CLGN: variants seen among roughly 807,000 people sequenced by gnomAD.
CLGN encodes the protein calmegin.
Under a neutral mutation model 79.1 loss-of-function variants are expected in CLGN, and 62 were observed. The observed-to-expected ratio is 0.78, with a 90% CI of 0.64 to 0.97. The LOEUF (loss-of-function observed/expected upper bound fraction) is 0.97, where lower values mean the gene tolerates loss of function less well. Among genes scored for constraint, CLGN ranks in the 50% least tolerant of loss-of-function variants. CLGN has a pLI of 0.00. For missense variants in CLGN, 647 were observed against 715.5 expected (o/e 0.90, Z 1.09); for synonymous variants, 225 against 224.7 (o/e 1.00, Z -0.01).
intron 3 of CLGN, 128 bp from the exon 4 acceptor site, chr4:140,410,023 T>C (rs1729181544): frequency 1.7e-6 from 1 of 575,360 alleles, no homozygotes; most frequent in Non-Finnish European, 3.0e-6. Context: ...AATAAATTCA[T>C]ACTTAGATGC....
At chr4:140,392,920 A>T (rs536459424) in intron 11 of CLGN, among the ~76,000 whole-genome samples, 8 of 152,206 alleles carry the variant, frequency 5.3e-5, no homozygotes, top group Admixed American at 3.3e-4. Context: ...TGATAGCAGA[A>T]GGTATGTTAT....
At chr4:140,406,680 A>G (rs535577813) in intron 4 of CLGN, among the ~76,000 whole-genome samples, 1 of 152,240 alleles carries the variant, frequency 6.6e-6, no homozygotes, top group South Asian at 2.1e-4. Flanking sequence ...CTAAGCTACA[A>G]CAAGGCAAAA....
At chr4:140,399,806 A>G (rs1365761757) in intron 7 of CLGN, among the ~76,000 whole-genome samples, 1 of 152,148 alleles carries the variant, frequency 6.6e-6, no homozygotes, top group Non-Finnish European at 1.5e-5. Context: ...GCAAATTCCT[A>G]TTTACTTAAG....
chr4:140,389,368 A>G lies in CLGN; in HGVS notation c.1753-64T>C, dbSNP rs1728732779. On this transcript the variant is annotated intron_variant, in intron 14 of 14. Transcript: ENST00000325617. ...ACACATAACTAGTAGATAGTAGTAA[A>G]CAATATATTTATTATTCTCTAAAAT... 3.5e-6 allele frequency: 4 copies of G among 1,131,476 alleles called. No homozygotes were observed. In the Admixed American group the frequency reaches 5.3e-5, roughly 15 times the overall value. 70.1% of individuals were successfully genotyped at this position (1,131,476 alleles called of 1,614,324 possible). A position where few individuals can be genotyped will look rare whatever the true frequency, so the allele number is the denominator to read the frequency against.
intron 5 of CLGN, among the ~76,000 whole-genome samples, chr4:140,404,405 G>A (rs1034524807): frequency 1.3e-5 from 2 of 151,952 alleles, no homozygotes; most frequent in Non-Finnish European, 1.5e-5. Context: ...TACTTCCTAC[G>A]TTTTGAGTTA....
chr4:140,398,685 G>T (rs545038893), intron 8 of CLGN, among the ~76,000 whole-genome samples, 166 bp downstream of exon 8: 4 of 152,050 alleles, frequency 2.6e-5, no homozygotes, highest in African/African-American at 9.6e-5. Context: ...AAATTACAGG[G>T]AGGGAAGTGT....
intron 5 of CLGN, among the ~76,000 whole-genome samples, 163 bp from the exon 6 acceptor site, chr4:140,402,229 C>A (rs151111753): frequency 6.6e-6 from 1 of 151,702 alleles, no homozygotes; most frequent in Middle Eastern, 3.2e-3. Context: ...TAAGCAGAAA[C>A]GCTTTTCTAC....
chr4:140,424,865 A>G (rs1226915572), intron 1 of CLGN, among the ~76,000 whole-genome samples: 1 of 152,226 alleles, frequency 6.6e-6, no homozygotes, highest in Admixed American at 6.5e-5. Context: ...TTGAAGCACA[A>G]GTAACTTTAT....
At chr4:140,408,533 C>G (rs534273539) in intron 4 of CLGN, among the ~76,000 whole-genome samples, 1 of 152,012 alleles carries the variant, frequency 6.6e-6, no homozygotes, top group Admixed American at 6.6e-5. Context: ...AGACATTTCT[C>G]AAAAGAAGAT....
chr4:140,413,574 C>G (rs147660543), intron 1 of CLGN, among the ~76,000 whole-genome samples: 3,186 of 152,272 alleles, frequency 0.021, 48 homozygotes, highest in Middle Eastern at 0.068. Context: ...GTTCCCTTTC[C>G]GAGTCAAAGA....
In CLGN at chr4:140,413,042, G is replaced by T. The variant is rs760573138; in HGVS notation, c.37C>A (p.Leu13Met). The change falls in exon 2 of 15, where the codon CTG becomes ATG. Residue 13 changes from leucine (L) to methionine (M), a missense_variant. Physicochemically the swap from Leu to Met is conservative, Grantham distance 15 (BLOSUM62 2). Coordinates refer to ENST00000325617, the MANE Select transcript of CLGN (RefSeq NM_004362.3). ...FQAFWLCLGL[L>M]FISINAEFMD... ...AATTCTGCATTAATTGAGATGAACA[G>T]AAGACCCAAACATAGCCAAAAGGCT... The T allele has an allele frequency of 3.7e-6, 6 of 1,613,014 alleles. No homozygotes were observed. The African/African-American group carries it at 8.0e-5, about 22-fold the overall frequency.
intron 3 of CLGN, among the ~76,000 whole-genome samples, 162 bp downstream of exon 3, chr4:140,410,391 T>C (rs995667460): frequency 1.3e-5 from 2 of 152,056 alleles, no homozygotes; most frequent in African/African-American, 4.8e-5. Flanking sequence ...TTAAACATTC[T>C]ATCAATTACA....
chr4:140,414,730 T>C (rs1729289889), intron 1 of CLGN, among the ~76,000 whole-genome samples: 1 of 147,934 alleles, frequency 6.8e-6, no homozygotes, highest in Non-Finnish European at 1.5e-5. Flanking sequence ...CTGATTGGTG[T>C]ACCTAAAAGT....
chr4:140,395,737 T>C, intron 10 of CLGN, 82 bp downstream of exon 10: 1 of 1,191,306 alleles, frequency 8.4e-7, no homozygotes, highest in East Asian at 2.8e-5. Flanking sequence ...TTCCAAAAGT[T>C]GACATAGGTA....
intron 6 of CLGN, among the ~76,000 whole-genome samples, chr4:140,400,877 A>G (rs374637923): frequency 1.1e-3 from 170 of 152,282 alleles, no homozygotes; most frequent in Middle Eastern, 0.01. Context: ...AGGAAAGCAT[A>G]TTTATGGCCT....
intron 13 of CLGN, among the ~76,000 whole-genome samples, chr4:140,391,096 A>G (rs188618764): frequency 1.7e-3 from 258 of 151,824 alleles, no homozygotes; most frequent in African/African-American, 5.6e-3. Context: ...TGTGGACATC[A>G]TGCATTTTTT....
At chr4:140,391,004 G>A (rs764519090) in intron 13 of CLGN, among the ~76,000 whole-genome samples, 20 of 151,606 alleles carry the variant, frequency 1.3e-4, no homozygotes, top group Non-Finnish European at 3.0e-4. Context: ...AATCTTTCCT[G>A]TGTTCCTGTC....
chr4:140,410,648 T>C (rs756806894), intron 2 of CLGN, 22 bp from the exon 3 acceptor site: 1 of 1,367,398 alleles, frequency 7.3e-7, no homozygotes, highest in South Asian at 1.2e-5. Context: ...ATTTTCCAAG[T>C]CTAAAGTTAT....
At chr4:140,403,247 A>T (rs1729031146) in intron 5 of CLGN, among the ~76,000 whole-genome samples, 1 of 152,156 alleles carries the variant, frequency 6.6e-6, no homozygotes, top group South Asian at 2.1e-4. Context: ...ACGGCAAGTC[A>T]TTTAAGCTCT....
Sources: allele counts gnomAD v4.1 joint callset (sites outside exome capture counted in the v4.1 genomes callset), GRCh38; gene constraint gnomAD v4.1.1; transcripts MANE v1.5; gene names NCBI Gene and HGNC (gene_info 2026-07-23, HGNC 2026-07-21).